Variants in HEATR5B observed in about 807,000 individuals in gnomAD.
HEATR5B encodes HEAT repeat-containing protein 5B.
A neutral mutation model predicts 224.1 loss-of-function variants in HEATR5B; 156 were observed. That is an observed-to-expected ratio of 0.70 (90% CI 0.61 to 0.80). HEATR5B has a LOEUF of 0.80. HEATR5B is among the 30% of genes least tolerant of loss of function. The probability of loss-of-function intolerance (pLI) is 0.00; values close to 1 mark genes in which losing one functional copy is unlikely to be tolerated. For synonymous variants in HEATR5B, 1,027 were observed against 893.0 expected (o/e 1.15, Z -2.68); for missense variants, 2,323 against 2,535.5 (o/e 0.92, Z 1.80).
intron 24 of HEATR5B, among the ~76,000 whole-genome samples, chr2:37,024,197 T>C (rs1668630411): frequency 6.6e-6 from 1 of 152,098 alleles, no homozygotes. Flanking sequence ...TCTAAAAAAG[T>C]TAATCTAACA....
chr2:37,071,174 AATT>A (rs1671883758), intron 6 of HEATR5B, among the ~76,000 whole-genome samples: 1 of 152,132 alleles, frequency 6.6e-6, no homozygotes, highest in African/African-American at 2.4e-5. Flanking sequence ...CTACTGAAAT[AATT>A]ATCATTAAAG....
chr2:36,994,793 C>G (rs1001101264), intron 33 of HEATR5B, among the ~76,000 whole-genome samples: 1 of 152,264 alleles, frequency 6.6e-6, no homozygotes, highest in Admixed American at 6.5e-5. Context: ...GCTCTGTCGT[C>G]CAGGCTGGAG....
intron 10 of HEATR5B, among the ~76,000 whole-genome samples, chr2:37,063,880 C>T (rs1370182237): frequency 6.6e-6 from 1 of 151,834 alleles, no homozygotes; most frequent in African/African-American, 2.4e-5. Context: ...GGTGCAACCT[C>T]AGCTCACTGC....
chr2:37,008,468 TCTAA>T (rs1428118609), intron 28 of HEATR5B, 139 bp downstream of exon 28: 16 of 656,406 alleles, frequency 2.4e-5, no homozygotes, highest in Middle Eastern at 3.3e-4. Flanking sequence ...GAGTACATAT[TCTAA>T]CTGAGACAAC....
chr2:37,006,162 T>G (rs1472033849), intron 29 of HEATR5B, among the ~76,000 whole-genome samples: 1 of 152,174 alleles, frequency 6.6e-6, no homozygotes, highest in Non-Finnish European at 1.5e-5. Flanking sequence ...AGAGGCACAA[T>G]GGGTATCATA....
At chr2:37,026,206 C>T (rs1668762296) in intron 24 of HEATR5B, among the ~76,000 whole-genome samples, 1 of 152,086 alleles carries the variant, frequency 6.6e-6, no homozygotes, top group African/African-American at 2.4e-5. Flanking sequence ...AGCCGTGAGC[C>T]AGGGAGTGCG....
chr2:37,000,794 G>A lies in HEATR5B; in HGVS notation c.5337C>T (p.Pro1779=), dbSNP rs766388542. 1.2e-6 allele frequency: 2 copies of A among 1,613,040 alleles called. No homozygotes were observed. Among genetic ancestry groups the A allele is most frequent in the South Asian group, 2.2e-5 (2 of 91,050 alleles). The stretch of plus-strand genomic sequence containing the variant: ...TTCTTGCAATTAAGAACAGAATTGT[G>A]GGCAGGATTGTCATACATCCTGAAA... ...CSPAGCMTIL[P]TILFLIARIL... is the part of the protein sequence containing the mutation. The change falls in exon 33 of 36, where the codon CCC becomes CCT. Residue 1779 remains proline (P), a synonymous_variant. Coordinates refer to ENST00000233099, the MANE Select transcript of HEATR5B (RefSeq NM_019024.3).
chr2:37,030,987 C>T (rs533838105), intron 22 of HEATR5B, among the ~76,000 whole-genome samples: 4 of 152,204 alleles, frequency 2.6e-5, no homozygotes, highest in Admixed American at 6.5e-5. Flanking sequence ...CTTCTGAGTC[C>T]GAACTTTTGG....
chr2:36,987,747 C>T (rs557966577), intron 35 of HEATR5B, among the ~76,000 whole-genome samples: 2 of 152,086 alleles, frequency 1.3e-5, no homozygotes, highest in East Asian at 3.9e-4. Context: ...TTTTATACCT[C>T]TATTATGAAG....
chr2:37,048,972 A>G (rs1456370734), intron 18 of HEATR5B, among the ~76,000 whole-genome samples: 1 of 152,216 alleles, frequency 6.6e-6, no homozygotes, highest in Non-Finnish European at 1.5e-5. Flanking sequence ...TATATATATG[A>G]TAGCTAAGAA....
chr2:37,021,071 T>C (rs1247357125), intron 24 of HEATR5B, among the ~76,000 whole-genome samples: 2 of 152,244 alleles, frequency 1.3e-5, no homozygotes, highest in East Asian at 1.9e-4. Context: ...TGATATGTTA[T>C]GCAAAATACT....
At chr2:37,051,474 C>A (rs1353861857) in intron 17 of HEATR5B, among the ~76,000 whole-genome samples, 2 of 150,766 alleles carry the variant, frequency 1.3e-5, no homozygotes, top group Non-Finnish European at 3.0e-5. Context: ...CATCCTGGAA[C>A]TTTATTTATT....
intron 22 of HEATR5B, among the ~76,000 whole-genome samples, chr2:37,032,383 A>G (rs1278647788): frequency 6.6e-6 from 1 of 152,162 alleles, no homozygotes; most frequent in Non-Finnish European, 1.5e-5. Context: ...CTCCCACCTC[A>G]GCCTCCTGAG....
chr2:36,985,991 T>G (rs1396843199), intron 35 of HEATR5B, among the ~76,000 whole-genome samples: 1 of 151,914 alleles, frequency 6.6e-6, no homozygotes, highest in Admixed American at 6.6e-5. Context: ...AAAAAAAAAG[T>G]TCCCTTCCCT....
chr2:37,076,532 C>A (rs1558382780), intron 4 of HEATR5B, among the ~76,000 whole-genome samples: 1 of 152,050 alleles, frequency 6.6e-6, no homozygotes, highest in Non-Finnish European at 1.5e-5. Flanking sequence ...GACACTTTAT[C>A]GCAGACCTCC....
At position 37,008,693 on chromosome 2, in the gene HEATR5B, G is replaced by A. The variant is rs1353731901; in HGVS notation, c.4440C>T (p.Leu1480=). 6.2e-6 allele frequency: 10 copies of A among 1,614,136 alleles called. No individual in the cohort carries two copies. In the South Asian group the frequency reaches 8.8e-5, roughly 14 times the overall value. The change falls in exon 28 of 36, where the codon CTC becomes CTT. Residue 1480 remains leucine (L), a synonymous_variant. Coordinates refer to ENST00000233099, the MANE Select transcript of HEATR5B (RefSeq NM_019024.3). ...ITLVQPELPT[L]SRLWLAALKD... Reference sequence around the variant, plus strand: ...TTAATGCTGCTAACCACAGGCGACTGAGTGTTGGTAGTTCAGGTTGTACCA... The same window carrying A: ...TTAATGCTGCTAACCACAGGCGACTAAGTGTTGGTAGTTCAGGTTGTACCA...
Position 36,981,547 on chromosome 2 carries a change from TTGTC to T in HEATR5B, c.6155_6158del (p.Arg2052AsnfsTer14). 6.2e-7 allele frequency: 1 copy of T among 1,614,098 alleles called. No individual in the cohort carries two copies. On this transcript the variant is annotated frameshift_variant, in exon 36 of 36. Coordinates refer to ENST00000233099, the MANE Select transcript of HEATR5B (RefSeq NM_019024.3). LOFTEE classifies it high-confidence loss of function. ...GTGCAGAATGTATGGCGGGGGCTGG[TTGTC>T]TGGCAGCCGCTTTAGCTTTGCTCGC...
chr2:37,049,196 A>C (rs1231355736), intron 18 of HEATR5B, among the ~76,000 whole-genome samples: 1 of 152,210 alleles, frequency 6.6e-6, no homozygotes, highest in Non-Finnish European at 1.5e-5. Flanking sequence ...TGAATCCTTA[A>C]AACCTGATGC....
rs116882568 is a variant in HEATR5B at position 37,040,020 on chromosome 2, G to A, written c.3046+309C>T. 3.7e-4 allele frequency among the ~76,000 whole-genome samples: 57 copies of A among 152,256 alleles called. No homozygotes were observed. The East Asian group carries it at 0.011, about 29-fold the overall frequency. On this transcript the variant is annotated intron_variant, in intron 20 of 35. Transcript: ENST00000233099. ...GAAGCAAAAGTCCATGAAGACATGT[G>A]GATAGCACTCTAGGCCAAAGGAACT...
Sources: gnomAD v4.1 joint callset for allele counts (sites outside exome capture counted in the v4.1 genomes callset) on GRCh38, gnomAD v4.1.1 for gene constraint, MANE v1.5 for transcripts, NCBI Gene and HGNC (gene_info 2026-07-23, HGNC 2026-07-21) for gene names.